DSTYK: variants seen among roughly 807,000 people sequenced by gnomAD.
DSTYK encodes dual serine/threonine and tyrosine protein kinase.
DSTYK carries 34 observed loss-of-function variants against 98.7 expected under a neutral mutation model. That is an observed-to-expected ratio of 0.34 (90% CI 0.26 to 0.46). The LOEUF (loss-of-function observed/expected upper bound fraction) is 0.46, where lower values mean the gene tolerates loss of function less well. Among genes scored for constraint, DSTYK ranks in the 20% least tolerant of loss-of-function variants. The pLI is 1.00. For synonymous variants in DSTYK, 462 were observed against 457.3 expected (o/e 1.01, Z -0.13); for missense variants, 962 against 1,181.7 (o/e 0.81, Z 2.73).
chr1:205,163,450 C>T (rs558156235), intron 4 of DSTYK, among the ~76,000 whole-genome samples: 15 of 152,202 alleles, frequency 9.9e-5, no homozygotes, highest in African/African-American at 3.6e-4. Flanking sequence ...AACTCCCAAC[C>T]TCAGGTTATC....
At chr1:205,176,317 A>G (rs1277946349) in intron 2 of DSTYK, among the ~76,000 whole-genome samples, 2 of 151,538 alleles carry the variant, frequency 1.3e-5, no homozygotes, top group Non-Finnish European at 2.9e-5. Flanking sequence ...ATCTCTGCTG[A>G]AAACACAAAA....
In DSTYK at chr1:205,148,200, C is replaced by G. The variant is rs781328503; in HGVS notation, c.2602+5G>C. ...TTAGGACAAGGTAGTACTTGTGGCT[C>G]TTACCCCTCCGCACATTGTTCCAGA... On this transcript the variant is annotated splice_donor_5th_base_variant and intron_variant, in intron 12 of 12. Transcript: ENST00000367162. 1 of 1,614,042 alleles carries G rather than the reference C, an allele frequency of 6.2e-7. No homozygotes were observed. Among genetic ancestry groups the G allele is most frequent in the South Asian group, 1.1e-5 (1 of 91,070 alleles).
At chr1:205,158,777 A>G (rs924323504) in intron 9 of DSTYK, among the ~76,000 whole-genome samples, 1 of 152,158 alleles carries the variant, frequency 6.6e-6, no homozygotes, top group African/African-American at 2.4e-5. Flanking sequence ...CAAACGCCAC[A>G]TCTTCCTGAA....
intron 1 of DSTYK, among the ~76,000 whole-genome samples, chr1:205,206,802 A>G (rs1196207198): frequency 6.6e-6 from 1 of 151,784 alleles, no homozygotes; most frequent in African/African-American, 2.4e-5. Context: ...TCCTGACCTC[A>G]AGTGATCCGC....
At chr1:205,149,636 A>G (rs1657345360) in intron 11 of DSTYK, among the ~76,000 whole-genome samples, 1 of 152,208 alleles carries the variant, frequency 6.6e-6, no homozygotes, top group South Asian at 2.1e-4. Context: ...AAGACCAGCT[A>G]TCTAGTCTTA....
intron 10 of DSTYK, among the ~76,000 whole-genome samples, chr1:205,155,204 G>A (rs1161047415): frequency 4.6e-5 from 7 of 151,182 alleles, no homozygotes; most frequent in African/African-American, 1.2e-4. Flanking sequence ...GGCTGGCCTC[G>A]AACTCCTGAC....
intron 1 of DSTYK, among the ~76,000 whole-genome samples, chr1:205,188,631 C>T (rs12042196): frequency 0.2 from 29,915 of 152,048 alleles, 3,267 homozygotes; most frequent in East Asian, 0.4. Flanking sequence ...CTACCATATG[C>T]GGTTTTAGCT....
At chr1:205,209,765 G>A (rs1659315348) in intron 1 of DSTYK, among the ~76,000 whole-genome samples, 1 of 152,076 alleles carries the variant, frequency 6.6e-6, no homozygotes, top group South Asian at 2.1e-4. Flanking sequence ...GACCTAACAC[G>A]CAAAGTCAGA....
In DSTYK at chr1:205,148,335, C is replaced by T. The variant is rs765025571; in HGVS notation, c.2472G>A (p.Lys824=). 5.0e-6 allele frequency: 8 copies of T among 1,613,718 alleles called. No homozygotes were observed. Among genetic ancestry groups the T allele is most frequent in the South Asian group, 2.2e-5 (2 of 91,090 alleles). The part of the protein sequence containing the change: ...IHMAPELFTG[K]YDNSVDVYAF... ...CGTAGACATCCACGGAATTATCGTACTTCCCTGATGGCAAGAAAGGATGAA... is the reference window on the plus strand; with the variant it reads ...CGTAGACATCCACGGAATTATCGTATTTCCCTGATGGCAAGAAAGGATGAA... The change falls in exon 12 of 13, where the codon AAG becomes AAA. Residue 824 remains lysine, a synonymous_variant. Transcript: ENST00000367162.
At chr1:205,151,470 T>C (rs1657400902) in intron 10 of DSTYK, among the ~76,000 whole-genome samples, 1 of 152,036 alleles carries the variant, frequency 6.6e-6, no homozygotes, top group Non-Finnish European at 1.5e-5. Context: ...TGGCTTTTTG[T>C]TGTTGTTGTT....
chr1:205,165,386 C>T (rs951605324), intron 3 of DSTYK, among the ~76,000 whole-genome samples: 3 of 152,082 alleles, frequency 2.0e-5, no homozygotes, highest in South Asian at 2.1e-4. Context: ...CCATTGCCGC[C>T]GGCCAGGAAT....
intron 1 of DSTYK, among the ~76,000 whole-genome samples, chr1:205,195,267 G>T (rs1251428453): frequency 2.6e-5 from 4 of 152,120 alleles, no homozygotes; most frequent in African/African-American, 9.7e-5. Context: ...TCCACAAATA[G>T]GTAGTGATGT....
At chr1:205,151,023 C>A (rs1380146501) in intron 10 of DSTYK, among the ~76,000 whole-genome samples, 1 of 152,190 alleles carries the variant, frequency 6.6e-6, no homozygotes, top group Non-Finnish European at 1.5e-5. Flanking sequence ...TACTAGGCTA[C>A]AAACCTGTAC....
At chr1:205,202,568 G>A (rs1659074612) in intron 1 of DSTYK, 8 of 972,974 alleles carry the variant, frequency 8.2e-6, no homozygotes, top group East Asian at 2.4e-5. Flanking sequence ...AAGATGCGCC[G>A]CTGGACCTGC....
Position 205,187,620 on chromosome 1 carries a change from C to T in DSTYK, c.452G>A (p.Arg151Gln), listed in dbSNP as rs1423155978. ...AGTCCCATAGGTGAAGCGGAGGCGC[C>T]GAAGCTTACAGCTCTCCTCACTGCC... ...KLGSEESCKLRRLRFTYGTQT... is the reference protein window; with the variant it reads ...KLGSEESCKLQRLRFTYGTQT... The change falls in exon 2 of 13, where the codon CGG becomes CAG. Residue 151 changes from arginine (R) to glutamine (Q), a missense_variant. Physicochemically the swap from Arg to Gln is conservative, Grantham distance 43. Around this residue, in one of 4 missense-constraint regions of DSTYK, gnomAD observed 660 missense variants for 855.0 expected, o/e 0.77. Transcript: ENST00000367162. 3 of 1,614,012 alleles carry T rather than the reference C, an allele frequency of 1.9e-6. No individual in the cohort carries two copies. The highest frequency in any genetic ancestry group is 1.1e-5 in the South Asian group (1 of 91,092).
At chr1:205,154,417 C>A (rs117133558) in intron 10 of DSTYK, among the ~76,000 whole-genome samples, 1 of 152,140 alleles carries the variant, frequency 6.6e-6, no homozygotes, top group Non-Finnish European at 1.5e-5. Flanking sequence ...TTTTCCCCCC[C>A]TTTTGATCGG....
intron 1 of DSTYK, among the ~76,000 whole-genome samples, chr1:205,207,364 C>A (rs975953973): frequency 6.6e-6 from 1 of 151,510 alleles, no homozygotes; most frequent in African/African-American, 2.4e-5. Flanking sequence ...CAGGCGTGAG[C>A]CGCCGCACCC....
At chr1:205,174,495 AGAGT>A (rs1421644576) in intron 2 of DSTYK, among the ~76,000 whole-genome samples, 8 of 143,682 alleles carry the variant, frequency 5.6e-5, no homozygotes, top group Non-Finnish European at 1.1e-4. Flanking sequence ...AATGGGTGAC[AGAGT>A]GAGACTCCGT....
chr1:205,152,664 T>C (rs1657440324), intron 10 of DSTYK, among the ~76,000 whole-genome samples: 1 of 152,184 alleles, frequency 6.6e-6, no homozygotes, highest in Non-Finnish European at 1.5e-5. Context: ...AATTTCATTT[T>C]TTTTTTTTCA....
Sources: allele counts gnomAD v4.1 joint callset (sites outside exome capture counted in the v4.1 genomes callset), GRCh38; gene constraint gnomAD v4.1.1; regional missense constraint gnomAD v4.1.1; transcripts MANE v1.5; gene names NCBI Gene and HGNC (gene_info 2026-07-23, HGNC 2026-07-21).